GPR39: variants seen among roughly 807,000 people sequenced by gnomAD.
GPR39 encodes zinc sensing receptor.
Under a neutral mutation model 18.4 loss-of-function variants are expected in GPR39, and 23 were observed. The observed-to-expected ratio is 1.25, with a 90% CI of 0.90 to 1.77. The LOEUF is 1.77. Among genes scored for constraint, GPR39 ranks in the 40% most tolerant of loss-of-function variants. The pLI, the probability that GPR39 is intolerant of heterozygous loss-of-function variation, is 0.00. For missense variants in GPR39, 647 were observed against 602.4 expected, an observed-to-expected ratio of 1.07 and a Z score of -0.78; for synonymous variants, 280 against 257.9, an observed-to-expected ratio of 1.09 and a Z score of -0.82.
chr2:132,490,799 G>A (rs1164461006), intron 1 of GPR39, among the ~76,000 whole-genome samples: 1 of 150,082 alleles, frequency 6.7e-6, no homozygotes, highest in Non-Finnish European at 1.5e-5. Context: ...GGAGCCTCCA[G>A]GGACCCCTAA....
intron 1 of GPR39, among the ~76,000 whole-genome samples, chr2:132,554,133 C>G (rs1680103376): frequency 6.6e-6 from 1 of 152,122 alleles, no homozygotes; most frequent in South Asian, 2.1e-4. Context: ...GCCTAATGAT[C>G]CAAAGCAAGC....
At chr2:132,462,469 G>A (rs1473756189) in intron 1 of GPR39, among the ~76,000 whole-genome samples, 1 of 152,198 alleles carries the variant, frequency 6.6e-6, no homozygotes, top group South Asian at 2.1e-4. Context: ...GAGTAGGGAG[G>A]GGAAGTGGCT....
rs945336707 is a variant in GPR39, at chr2:132,642,802, A to G, written c.857-2299A>G. On this transcript the variant is annotated intron_variant, in intron 1 of 1. Transcript: ENST00000329321. ...CACAGTTCACATCTAAAACCGTGCA[A>G]TTTCCATATTCTGGGCAATAACTCC... Among the ~76,000 whole-genome samples the G allele has an allele frequency of 3.7e-4, 56 of 152,190 alleles. 1 individual carries two copies. The highest frequency in any genetic ancestry group is 6.8e-4 in the Non-Finnish European group (46 of 68,040).
At chr2:132,550,277 G>A (rs753028711) in intron 1 of GPR39, among the ~76,000 whole-genome samples, 1 of 152,206 alleles carries the variant, frequency 6.6e-6, no homozygotes, top group Non-Finnish European at 1.5e-5. Flanking sequence ...GCTAGCTAAC[G>A]TGAAAAGGAT....
At chr2:132,472,074 G>A (rs537896033) in intron 1 of GPR39, among the ~76,000 whole-genome samples, 17 of 152,266 alleles carry the variant, frequency 1.1e-4, no homozygotes, top group African/African-American at 3.6e-4. Flanking sequence ...TGGGCATTCA[G>A]CAATGATAAC....
intron 1 of GPR39, among the ~76,000 whole-genome samples, chr2:132,599,342 C>T (rs916783873): frequency 2.6e-5 from 4 of 152,184 alleles, no homozygotes; most frequent in East Asian, 1.9e-4. Flanking sequence ...ACCTTTGTTT[C>T]GATGTGTTTT....
chr2:132,553,351 A>ATATATG (rs1553456235), intron 1 of GPR39, among the ~76,000 whole-genome samples: 1 of 149,182 alleles, frequency 6.7e-6, no homozygotes, highest in East Asian at 2.0e-4. Context: ...ATATGTGTAT[A>ATATATG]TATATATGTA....
At chr2:132,529,248 G>A (rs927170243) in intron 1 of GPR39, among the ~76,000 whole-genome samples, 11 of 152,176 alleles carry the variant, frequency 7.2e-5, no homozygotes, top group African/African-American at 1.4e-4. Context: ...ATGTAGCCTC[G>A]CTCATTGCTA....
chr2:132,418,699 G>A (rs1480218787), intron 1 of GPR39, among the ~76,000 whole-genome samples: 1 of 152,196 alleles, frequency 6.6e-6, no homozygotes, highest in Admixed American at 6.5e-5. Context: ...AGAGCCCACA[G>A]GTCTGTTGAC....
chr2:132,564,155 A>G (rs746243812), intron 1 of GPR39, among the ~76,000 whole-genome samples: 6 of 152,218 alleles, frequency 3.9e-5, no homozygotes, highest in Non-Finnish European at 8.8e-5. Context: ...AGGATCACTG[A>G]GGTGGGAGTC....
intron 1 of GPR39, among the ~76,000 whole-genome samples, chr2:132,591,018 G>A (rs13410360): frequency 0.078 from 11,881 of 151,354 alleles, 1,306 homozygotes; most frequent in African/African-American, 0.25. Flanking sequence ...TTGGGAGGCC[G>A]AGGCGGGTGG....
intron 1 of GPR39, among the ~76,000 whole-genome samples, chr2:132,545,501 TTA>T (rs1290269254): frequency 6.6e-6 from 1 of 152,184 alleles, no homozygotes; most frequent in Non-Finnish European, 1.5e-5. Context: ...GATGTTCTAG[TTA>T]AAAAATAAAT....
intron 1 of GPR39, among the ~76,000 whole-genome samples, chr2:132,473,666 C>T (rs190378332): frequency 5.3e-5 from 8 of 152,268 alleles, no homozygotes; most frequent in Middle Eastern, 3.4e-3. Flanking sequence ...GTTAGCATTG[C>T]GACTACCACT....
At chr2:132,557,085 G>T (rs13013761) in intron 1 of GPR39, among the ~76,000 whole-genome samples, 9 of 34,744 alleles carry the variant, frequency 2.6e-4, no homozygotes, top group Non-Finnish European at 3.9e-4. Flanking sequence ...GGAGGCCAAG[G>T]GGGGGGGCAG....
At chr2:132,565,670 G>A (rs1216253497) in intron 1 of GPR39, among the ~76,000 whole-genome samples, 2 of 146,058 alleles carry the variant, frequency 1.4e-5, no homozygotes, top group Non-Finnish European at 3.0e-5. Flanking sequence ...TTGTTCTTGC[G>A]ATAGTTTACT....
intron 1 of GPR39, among the ~76,000 whole-genome samples, chr2:132,493,011 C>CTATATATACTA (rs1374057602): frequency 7.2e-6 from 1 of 138,136 alleles, no homozygotes; most frequent in African/African-American, 2.8e-5. Flanking sequence ...CATATATACA[C>CTATATATACTA]TATATATACT....
chr2:132,583,676 G>C (rs1311977091), intron 1 of GPR39, among the ~76,000 whole-genome samples: 1 of 151,876 alleles, frequency 6.6e-6, no homozygotes, highest in African/African-American at 2.4e-5. Flanking sequence ...TGGCAGGGAT[G>C]ACCTGACTGC....
chr2:132,612,048 G>A (rs550661850), intron 1 of GPR39, among the ~76,000 whole-genome samples: 1 of 151,940 alleles, frequency 6.6e-6, no homozygotes, highest in African/African-American at 2.4e-5. Context: ...TTGTTTACAT[G>A]TCTCTCTCCA....
chr2:132,536,029 T>C (rs986606630), intron 1 of GPR39, among the ~76,000 whole-genome samples: 3 of 149,260 alleles, frequency 2.0e-5, no homozygotes, highest in African/African-American at 7.4e-5. Flanking sequence ...AAACAGCTCC[T>C]GGATTATTTG....
Sources: gnomAD v4.1 joint callset for allele counts (sites outside exome capture counted in the v4.1 genomes callset) on GRCh38, gnomAD v4.1.1 for gene constraint, MANE v1.5 for transcripts, NCBI Gene and HGNC (gene_info 2026-07-23, HGNC 2026-07-21) for gene names.